Variants in PRKCB observed in about 807,000 individuals in gnomAD.
PRKCB encodes protein kinase C beta.
A neutral mutation model predicts 81.5 loss-of-function variants in PRKCB; 13 were observed. The observed-to-expected ratio is 0.16, with a 90% confidence interval of 0.10 to 0.25. PRKCB has a LOEUF of 0.25. Among genes scored for constraint, PRKCB ranks in the 10% least tolerant of loss-of-function variants. PRKCB has a pLI of 1.00. For missense variants in PRKCB, 509 were observed against 875.7 expected (o/e 0.58, Z 5.29); for synonymous variants, 335 against 321.4 (o/e 1.04, Z -0.45).
At chr16:23,865,251 AT>A (rs1225358358) in intron 2 of PRKCB, among the ~76,000 whole-genome samples, 1 of 140,150 alleles carries the variant, frequency 7.1e-6, no homozygotes, top group Admixed American at 7.6e-5. Flanking sequence ...ATCAAGATTT[AT>A]TTTCTGTTTT....
chr16:23,846,034 T>C (rs1170321604), intron 2 of PRKCB, among the ~76,000 whole-genome samples: 1 of 152,242 alleles, frequency 6.6e-6, no homozygotes, highest in Non-Finnish European at 1.5e-5. Context: ...CCTCACCCTG[T>C]GTCCATCTCT....
intron 8 of PRKCB, among the ~76,000 whole-genome samples, chr16:24,122,449 CTT>C (rs35364143): frequency 1.3e-4 from 13 of 97,612 alleles, no homozygotes; most frequent in Non-Finnish European, 1.3e-4. Context: ...TACCACGAGG[CTT>C]TTTTTTTTTT....
At chr16:24,117,676 A>G (rs1312126827) in intron 8 of PRKCB, among the ~76,000 whole-genome samples, 5 of 152,286 alleles carry the variant, frequency 3.3e-5, no homozygotes, top group African/African-American at 9.6e-5. Flanking sequence ...ATTCAAGTGC[A>G]AGTACTTTAT....
intron 5 of PRKCB, among the ~76,000 whole-genome samples, chr16:24,077,009 C>T (rs893985276): frequency 6.6e-6 from 1 of 152,216 alleles, no homozygotes; most frequent in African/African-American, 2.4e-5. Flanking sequence ...TTCCCACAGT[C>T]CCAGCTGCTC....
At chr16:23,855,825 C>T (rs545983072) in intron 2 of PRKCB, among the ~76,000 whole-genome samples, 91 of 152,316 alleles carry the variant, frequency 6.0e-4, no homozygotes, top group African/African-American at 2.1e-3. Context: ...GTGGGCTGCT[C>T]TTTGGAAGGC....
rs1316548470 is a variant in PRKCB, at chr16:24,218,659, T to G, written c.*3843T>G. On this transcript the variant is annotated 3_prime_UTR_variant, in exon 17 of 17. Transcript: ENST00000643927. ...GAGTGAACCCAGCAATGAGAGATCC[T>G]TAACAGCTAGTGCCCATTAGGGGGC... 4 of 984,438 alleles carry G rather than the reference T, an allele frequency of 4.1e-6. No individual in the cohort carries two copies. The highest frequency in any genetic ancestry group is 1.2e-6 in the Non-Finnish European group (1 of 829,636). The allele number at this position is 984,438 out of a possible 1,614,324, so 61.0% of individuals were successfully genotyped here.
rs879197262 is a variant in PRKCB at position 24,219,655 on chromosome 16, A to ACCACAC, written c.*4839_*4840insCCACAC. 2,048 of 742,196 alleles carry ACCACAC rather than the reference A, an allele frequency of 2.8e-3. 54 individuals carry two copies. In the East Asian group the frequency reaches 0.041, roughly 15 times the overall value. The allele number at this position is 742,196 out of a possible 1,614,324, so 46.0% of individuals were successfully genotyped here. A position where few individuals can be genotyped will look rare whatever the true frequency, so the allele number is the denominator to read the frequency against. On this transcript the variant is annotated 3_prime_UTR_variant, in exon 17 of 17. Coordinates refer to ENST00000643927, the MANE Select transcript of PRKCB (RefSeq NM_002738.7). ...ATCCTAAAGCCAAAGAAAATACAGC[A>ACCACAC]ACACACACACACACACACACACACA... is the stretch of plus-strand genomic sequence containing the variant.
intron 2 of PRKCB, among the ~76,000 whole-genome samples, chr16:23,912,603 C>T (rs1385297157): frequency 7.0e-6 from 1 of 143,794 alleles, no homozygotes; most frequent in African/African-American, 2.6e-5. Context: ...GTCTCCGCCT[C>T]CTGGGTTCCA....
chr16:23,938,714 T>G (rs1964096286), intron 2 of PRKCB, among the ~76,000 whole-genome samples: 1 of 152,240 alleles, frequency 6.6e-6, no homozygotes, highest in South Asian at 2.1e-4. Flanking sequence ...TCAGAAAACA[T>G]GCTGTTAACT....
chr16:23,853,188 G>T (rs1962502761), intron 2 of PRKCB, among the ~76,000 whole-genome samples: 1 of 152,200 alleles, frequency 6.6e-6, no homozygotes, highest in Admixed American at 6.5e-5. Context: ...CAAAAATTCT[G>T]TATTAGTAAG....
At chr16:23,876,098 C>A (rs898555246) in intron 2 of PRKCB, among the ~76,000 whole-genome samples, 1 of 152,206 alleles carries the variant, frequency 6.6e-6, no homozygotes, top group Non-Finnish European at 1.5e-5. Flanking sequence ...TTGATCAACT[C>A]ATTTACACAC....
chr16:24,007,165 A>G (rs1351611218), intron 3 of PRKCB, among the ~76,000 whole-genome samples: 1 of 152,240 alleles, frequency 6.6e-6, no homozygotes, highest in Non-Finnish European at 1.5e-5. Flanking sequence ...ATCTATAAAA[A>G]GAGGATAAAA....
At chr16:23,961,587 T>C (rs1328851880) in intron 2 of PRKCB, among the ~76,000 whole-genome samples, 1 of 152,230 alleles carries the variant, frequency 6.6e-6, no homozygotes, top group African/African-American at 2.4e-5. Flanking sequence ...CTCATTGGCC[T>C]GTGTTGAGTG....
chr16:23,961,791 T>G (rs1191180295), intron 2 of PRKCB, among the ~76,000 whole-genome samples: 3 of 152,160 alleles, frequency 2.0e-5, no homozygotes. Context: ...AATGCTCCAA[T>G]GAGCCTTTCC....
intron 2 of PRKCB, among the ~76,000 whole-genome samples, chr16:23,971,202 C>T (rs78714227): frequency 0.013 from 1,993 of 152,288 alleles, 37 homozygotes; most frequent in African/African-American, 0.044. Flanking sequence ...CCATCTCCAT[C>T]GATCAGCTCT....
chr16:24,021,070 C>CTTT (rs1567346832), intron 3 of PRKCB, among the ~76,000 whole-genome samples: 1 of 41,582 alleles, frequency 2.4e-5, no homozygotes, highest in Non-Finnish European at 4.6e-5. Context: ...CTCCCTCCCT[C>CTTT]CCTTCTTTCT....
intron 2 of PRKCB, among the ~76,000 whole-genome samples, chr16:23,894,853 A>C (rs1251493764): frequency 6.6e-6 from 1 of 152,062 alleles, no homozygotes; most frequent in Non-Finnish European, 1.5e-5. Flanking sequence ...TCATTAGTGA[A>C]ATTTGTCTGC....
At chr16:24,084,589 C>T (rs1966290061) in intron 5 of PRKCB, among the ~76,000 whole-genome samples, 1 of 151,832 alleles carries the variant, frequency 6.6e-6, no homozygotes, top group African/African-American at 2.4e-5. Context: ...ACATTTTTTC[C>T]CTAGTATTCA....
intron 7 of PRKCB, among the ~76,000 whole-genome samples, chr16:24,112,340 G>A (rs1050181779): frequency 1.3e-5 from 2 of 152,170 alleles, no homozygotes; most frequent in Non-Finnish European, 2.9e-5. Context: ...ACTAGTCTGA[G>A]AAACATAGCC....
Sources: gnomAD v4.1 joint callset for allele counts (sites outside exome capture counted in the v4.1 genomes callset) on GRCh38, gnomAD v4.1.1 for gene constraint, MANE v1.5 for transcripts, NCBI Gene and HGNC (gene_info 2026-07-23, HGNC 2026-07-21) for gene names.